The following FRMD4B variants were observed in gnomAD, a reference collection of about 807,000 sequenced individuals.
FRMD4B encodes the protein FERM domain-containing protein 4B.
Under a neutral mutation model 141.5 loss-of-function variants are expected in FRMD4B, and 74 were observed. The observed-to-expected ratio is 0.52, with a 90% CI of 0.43 to 0.63. The LOEUF is 0.63. Among genes scored for constraint, FRMD4B ranks in the 30% least tolerant of loss-of-function variants. The probability of loss-of-function intolerance (pLI) is 0.00; values close to 1 mark genes in which losing one functional copy is unlikely to be tolerated. For missense variants in FRMD4B, 1,366 were observed against 1,253.4 expected, an observed-to-expected ratio of 1.09 and a Z score of -1.36; for synonymous variants, 506 against 467.9, an observed-to-expected ratio of 1.08 and a Z score of -1.05.
At chr3:69,203,254 C>T (rs1183778789) in intron 11 of FRMD4B, among the ~76,000 whole-genome samples, 7 of 143,648 alleles carry the variant, frequency 4.9e-5, no homozygotes, top group Non-Finnish European at 1.0e-4. Flanking sequence ...AAGAAATCAC[C>T]TGTTCCCTGT....
intron 1 of FRMD4B, among the ~76,000 whole-genome samples, chr3:69,327,220 C>G (rs1702216239): frequency 6.6e-6 from 1 of 152,186 alleles, no homozygotes; most frequent in African/African-American, 2.4e-5. Context: ...TGTCAGTTTT[C>G]TCTTTTCCCG....
At chr3:69,458,198 A>G (rs1705649010) in intron 1 of FRMD4B, among the ~76,000 whole-genome samples, 2 of 152,226 alleles carry the variant, frequency 1.3e-5, no homozygotes, top group African/African-American at 4.8e-5. Flanking sequence ...GTGCTCATAG[A>G]TGGAGTCAAA....
At chr3:69,332,064 G>A (rs941656076) in intron 1 of FRMD4B, among the ~76,000 whole-genome samples, 6 of 152,112 alleles carry the variant, frequency 3.9e-5, no homozygotes, top group African/African-American at 1.4e-4. Context: ...TCCAGCCTGG[G>A]CGACACAGCA....
intron 1 of FRMD4B, 104 bp downstream of exon 1, chr3:69,385,724 G>T: frequency 9.7e-7 from 1 of 1,026,356 alleles, no homozygotes; most frequent in Non-Finnish European, 1.4e-6. Flanking sequence ...TCTGCTAGGA[G>T]TTTAAGAAGA....
intron 1 of FRMD4B, among the ~76,000 whole-genome samples, chr3:69,327,020 A>C (rs778355763): frequency 1.3e-5 from 2 of 152,192 alleles, no homozygotes; most frequent in Non-Finnish European, 2.9e-5. Flanking sequence ...AAAGTCACAA[A>C]AATGGAACTA....
At chr3:69,456,110 G>A (rs1433258529) in intron 1 of FRMD4B, among the ~76,000 whole-genome samples, 1 of 152,156 alleles carries the variant, frequency 6.6e-6, no homozygotes, top group East Asian at 1.9e-4. Context: ...CACTTATATA[G>A]GGATTGAATC....
rs113528952 is a variant in FRMD4B at position 69,207,973 on chromosome 3, G to A, written c.876+8290C>T. On this transcript the variant is annotated intron_variant, in intron 11 of 22. Transcript: ENST00000398540. ...TGGCTCACTGTAACTTCCGCTTCCT[G>A]GGTTCAAGCAATTCTCTTGCCTCAG... 2.6e-3 allele frequency among the ~76,000 whole-genome samples: 395 copies of A among 152,258 alleles called. 2 individuals are homozygous for A. The highest frequency in any genetic ancestry group is 9.1e-3 in the African/African-American group (377 of 41,560).
At chr3:69,510,345 A>G (rs553018129) in intron 1 of FRMD4B, among the ~76,000 whole-genome samples, 2 of 152,308 alleles carry the variant, frequency 1.3e-5, no homozygotes, top group South Asian at 2.1e-4. Flanking sequence ...AAGTCTATAT[A>G]AAAACTATTA....
chr3:69,237,552 A>G (rs1286201440), intron 7 of FRMD4B, among the ~76,000 whole-genome samples: 1 of 152,108 alleles, frequency 6.6e-6, no homozygotes, highest in African/African-American at 2.4e-5. Flanking sequence ...TGAGCATGCA[A>G]AGAAGGCCTT....
chr3:69,272,728 C>A (rs1399684372), intron 5 of FRMD4B, among the ~76,000 whole-genome samples: 2 of 152,202 alleles, frequency 1.3e-5, no homozygotes, highest in African/African-American at 2.4e-5. Flanking sequence ...AATTCCAGGA[C>A]AAGAACCATA....
At chr3:69,323,607 T>C (rs1021883304) in intron 1 of FRMD4B, among the ~76,000 whole-genome samples, 1 of 85,264 alleles carries the variant, frequency 1.2e-5, no homozygotes, top group African/African-American at 4.9e-5. Flanking sequence ...TCTCTCTCTG[T>C]GTATATATAT....
Position 69,249,961 on chromosome 3 carries a change from G to T in FRMD4B, c.558+82C>A. On this transcript the variant is annotated intron_variant, in intron 6 of 22. Transcript: ENST00000398540. ...AAAAATCCAACAAACACTGGCCCAT[G>T]CAAAAGTTTCAGAGTTGCAGGCAGT... is the stretch of plus-strand genomic sequence containing the variant. 5 of 896,718 alleles carry T rather than the reference G, an allele frequency of 5.6e-6. No individual in the cohort carries two copies. In the South Asian group the frequency reaches 6.8e-5, roughly 12 times the overall value. The allele number at this position is 896,718 out of a possible 1,614,324, so 55.5% of individuals were successfully genotyped here.
intron 4 of FRMD4B, among the ~76,000 whole-genome samples, chr3:69,294,230 A>ATTTAACT (rs1700968665): frequency 6.6e-6 from 1 of 152,208 alleles, no homozygotes; most frequent in South Asian, 2.1e-4. Flanking sequence ...AATTTTAGGC[A>ATTTAACT]TTTAACTGCA....
At chr3:69,440,073 C>T (rs1559528133) in intron 1 of FRMD4B, among the ~76,000 whole-genome samples, 1 of 152,138 alleles carries the variant, frequency 6.6e-6, no homozygotes, top group Non-Finnish European at 1.5e-5. Context: ...AGAAGTTATA[C>T]ATTTTGATAT....
At position 69,197,002 on chromosome 3, in the gene FRMD4B, G is replaced by T; in HGVS notation, c.990C>A (p.Gly330=). 1 of 1,607,150 alleles carries T rather than the reference G, an allele frequency of 6.2e-7. No homozygotes were observed. Among genetic ancestry groups the T allele is most frequent in the Non-Finnish European group, 8.5e-7 (1 of 1,173,840 alleles). The part of the protein sequence containing the change: ...SVSRRTFGQS[G]LFVQTWYANS... ...TAGCATACCATGTTTGCACAAACAAGCCACTTTGCCCAAAGGTTCTTCTTG... is the reference window on the plus strand; with the variant it reads ...TAGCATACCATGTTTGCACAAACAATCCACTTTGCCCAAAGGTTCTTCTTG... Residue 330 remains glycine (G), a synonymous_variant, in exon 13 of 23, where the codon GGC becomes GGA. Transcript: ENST00000398540.
At chr3:69,243,208 A>G (rs529844766) in intron 7 of FRMD4B, among the ~76,000 whole-genome samples, 28 of 152,190 alleles carry the variant, frequency 1.8e-4, no homozygotes, top group Non-Finnish European at 1.8e-4. Flanking sequence ...CCACTCCACT[A>G]TTTTAATTAA....
chr3:69,278,423 T>G (rs553118141), intron 5 of FRMD4B, among the ~76,000 whole-genome samples: 1 of 151,638 alleles, frequency 6.6e-6, no homozygotes, highest in South Asian at 2.1e-4. Flanking sequence ...CTCTGCCTCC[T>G]GAGCAGCTAG....
At chr3:69,255,438 A>G (rs1019168456) in intron 5 of FRMD4B, among the ~76,000 whole-genome samples, 3 of 152,106 alleles carry the variant, frequency 2.0e-5, no homozygotes, top group African/African-American at 4.8e-5. Context: ...CTAGCTACTC[A>G]GGAGGTGGAG....
intron 1 of FRMD4B, among the ~76,000 whole-genome samples, chr3:69,314,227 TA>T (rs59090061): frequency 8.1e-4 from 88 of 109,214 alleles, no homozygotes; most frequent in South Asian, 2.5e-3. Flanking sequence ...AATGTTTTAT[TA>T]AAAAAAAAAA....
Sources: gnomAD v4.1 joint callset for allele counts (sites outside exome capture counted in the v4.1 genomes callset) on GRCh38, gnomAD v4.1.1 for gene constraint, MANE v1.5 for transcripts, NCBI Gene and HGNC (gene_info 2026-07-23, HGNC 2026-07-21) for gene names.